The following NFX1 variants were observed in gnomAD, a reference collection of about 807,000 sequenced individuals.
NFX1 encodes the protein nuclear transcription factor, X-box binding 1, also known as transcriptional repressor NF-X1.
Under a neutral mutation model 137.2 loss-of-function variants are expected in NFX1, and 69 were observed. That is an observed-to-expected ratio of 0.50 (90% CI 0.41 to 0.61). The LOEUF (loss-of-function observed/expected upper bound fraction) is 0.61, where lower values mean the gene tolerates loss of function less well. Ranked by LOEUF, NFX1 falls within the 20% of genes least tolerant of loss-of-function variation. NFX1 has a pLI of 0.00. For synonymous variants in NFX1, 495 were observed against 474.1 expected (o/e 1.04, Z -0.57); for missense variants, 1,167 against 1,391.0 (o/e 0.84, Z 2.56).
chr9:33,318,041 C>T (rs530182967), intron 7 of NFX1, among the ~76,000 whole-genome samples: 49 of 140,982 alleles, frequency 3.5e-4, no homozygotes, highest in African/African-American at 1.1e-3. Context: ...GTTTAATGTA[C>T]GATTTTATTT....
Position 33,347,069 on chromosome 9 carries a change from T to C in NFX1, c.2376T>C (p.Cys792=). The stretch of plus-strand genomic sequence containing the variant: ...ATTCTTGTCATAGTGAGGAGAAGTG[T>C]CCCCCTTGCACTTTCCTAACTCAGA... The part of the protein sequence containing the change: ...VYHSCHSEEK[C]PPCTFLTQKW... Residue 792 remains cysteine (C), a synonymous_variant, in exon 15 of 24, where the codon TGT becomes TGC. Coordinates refer to ENST00000379540, the MANE Select transcript of NFX1 (RefSeq NM_002504.6). The C allele has an allele frequency of 1.2e-6, 2 of 1,613,564 alleles. No individual in the cohort carries two copies. The highest frequency in any genetic ancestry group is 1.7e-6 in the Non-Finnish European group (2 of 1,179,562).
intron 7 of NFX1, among the ~76,000 whole-genome samples, chr9:33,315,359 A>C (rs1245470521): frequency 1.3e-5 from 2 of 152,078 alleles, no homozygotes; most frequent in African/African-American, 4.8e-5. Flanking sequence ...CTGTATTTTT[A>C]GGTAGGCTGT....
At chr9:33,318,151 T>A (rs1383026087) in intron 7 of NFX1, among the ~76,000 whole-genome samples, 2 of 152,216 alleles carry the variant, frequency 1.3e-5, no homozygotes, top group Non-Finnish European at 2.9e-5. Flanking sequence ...CTGCATTTAT[T>A]CTGATCATTA....
chr9:33,294,359 C>A, intron 1 of NFX1, 61 bp from the exon 2 acceptor site: 1 of 1,440,776 alleles, frequency 6.9e-7, no homozygotes, highest in Non-Finnish European at 9.4e-7. Context: ...GGCTTGGAGT[C>A]TATGAGTTTC....
intron 19 of NFX1, among the ~76,000 whole-genome samples, chr9:33,358,134 T>G (rs1265948414): frequency 4.6e-5 from 7 of 151,734 alleles, no homozygotes; most frequent in Non-Finnish European, 7.4e-5. Context: ...TACTTGTAAT[T>G]TTTTTTTTGA....
intron 15 of NFX1, chr9:33,348,621 G>T: frequency 6.5e-6 from 2 of 305,660 alleles, no homozygotes; most frequent in Non-Finnish European, 9.6e-6. Context: ...ATGTGCTGTT[G>T]GAAAAGTGGA....
At chr9:33,362,021 T>C (rs1824008772) in intron 19 of NFX1, among the ~76,000 whole-genome samples, 1 of 149,912 alleles carries the variant, frequency 6.7e-6, no homozygotes, top group South Asian at 2.1e-4. Flanking sequence ...CTGGAGAGGT[T>C]GAGGTAGGAG....
At chr9:33,343,005 C>G (rs968793656) in intron 13 of NFX1, 151 bp downstream of exon 13, 1 of 604,278 alleles carries the variant, frequency 1.7e-6, no homozygotes, top group South Asian at 2.3e-5. Flanking sequence ...AAAGTTACTT[C>G]TAATGCTGTG....
intron 19 of NFX1, among the ~76,000 whole-genome samples, chr9:33,357,345 A>T (rs1347469405): frequency 6.6e-6 from 1 of 151,982 alleles, no homozygotes; most frequent in Non-Finnish European, 1.5e-5. Flanking sequence ...ATATATATAT[A>T]TATGTGAGTC....
At chr9:33,299,656 C>T (rs1037659046) in intron 2 of NFX1, among the ~76,000 whole-genome samples, 1 of 152,142 alleles carries the variant, frequency 6.6e-6, no homozygotes, top group African/African-American at 2.4e-5. Flanking sequence ...CCACTGCACT[C>T]GAGCCTAAAC....
At chr9:33,295,718 A>C (rs1821331387) in intron 2 of NFX1, among the ~76,000 whole-genome samples, 1 of 152,180 alleles carries the variant, frequency 6.6e-6, no homozygotes, top group Non-Finnish European at 1.5e-5. Context: ...GGTGGTGTAG[A>C]TGTCTGGTTA....
At chr9:33,363,186 C>G (rs769986190) in intron 19 of NFX1, among the ~76,000 whole-genome samples, 44 of 150,740 alleles carry the variant, frequency 2.9e-4, no homozygotes, top group Non-Finnish European at 6.1e-4. Context: ...ATATATGTAC[C>G]GAGACATCAA....
chr9:33,354,724 G>T lies in NFX1; in HGVS notation c.2832-127G>T, dbSNP rs146247251. 1,326 of 810,924 alleles carry T rather than the reference G, an allele frequency of 1.6e-3. 13 individuals are homozygous for T. In the Admixed American group the frequency reaches 0.019, roughly 12 times the overall value. 50.2% of individuals were successfully genotyped at this position (810,924 alleles called of 1,614,324 possible). On this transcript the variant is annotated intron_variant, in intron 18 of 23. Coordinates refer to ENST00000379540, the MANE Select transcript of NFX1 (RefSeq NM_002504.6). ...AGGTGGCCTCACAGGCTGCTTCCTGGCCTGAGGGATTGTTTTTTGGCAAGA... is the reference window on the plus strand; with the variant it reads ...AGGTGGCCTCACAGGCTGCTTCCTGTCCTGAGGGATTGTTTTTTGGCAAGA...
At chr9:33,326,047 A>G (rs1822575504) in intron 9 of NFX1, among the ~76,000 whole-genome samples, 1 of 152,204 alleles carries the variant, frequency 6.6e-6, no homozygotes. Context: ...TTGTGTTAGA[A>G]TAAGAAAATG....
chr9:33,313,627 CTGTCTTTACATCTAT>C lies in NFX1; in HGVS notation c.1449-16_1449-2del. The C allele has an allele frequency of 1.2e-6, 2 of 1,610,136 alleles. No individual in the cohort carries two copies. Among genetic ancestry groups the C allele is most frequent in the Non-Finnish European group, 1.7e-6 (2 of 1,176,758 alleles). On this transcript the variant is annotated splice_polypyrimidine_tract_variant and intron_variant, in intron 6 of 23. Transcript: ENST00000379540. Reference sequence around the variant, plus strand: ...TCCAACAGGAACTTTTACACTGATGCTGTCTTTACATCTATTGTCTTTACAGGCACACAGTTCGCT... The same window carrying C: ...TCCAACAGGAACTTTTACACTGATGCTGTCTTTACAGGCACACAGTTCGCT...
At chr9:33,328,860 G>A (rs915508919) in intron 10 of NFX1, among the ~76,000 whole-genome samples, 182 bp downstream of exon 10, 1 of 152,212 alleles carries the variant, frequency 6.6e-6, no homozygotes, top group African/African-American at 2.4e-5. Context: ...AAATACAGGT[G>A]TGATAGTCTG....
At chr9:33,357,020 A>C (rs1382730191) in intron 19 of NFX1, among the ~76,000 whole-genome samples, 1 of 151,310 alleles carries the variant, frequency 6.6e-6, no homozygotes, top group Non-Finnish European at 1.5e-5. Flanking sequence ...TAAGCCGGGC[A>C]TGGTGGCTCA....
intron 2 of NFX1, among the ~76,000 whole-genome samples, chr9:33,296,578 T>TA (rs1242632915): frequency 2.0e-5 from 3 of 152,000 alleles, no homozygotes; most frequent in Non-Finnish European, 4.4e-5. Flanking sequence ...AGAATTAAAA[T>TA]AAAAAAATTA....
At chr9:33,358,943 C>T (rs1363851656) in intron 19 of NFX1, among the ~76,000 whole-genome samples, 1 of 151,842 alleles carries the variant, frequency 6.6e-6, no homozygotes, top group Non-Finnish European at 1.5e-5. Context: ...AAGCAATCCT[C>T]CTGCCTCAGC....
Sources: gnomAD v4.1 joint callset for allele counts (sites outside exome capture counted in the v4.1 genomes callset) on GRCh38, gnomAD v4.1.1 for gene constraint, MANE v1.5 for transcripts, NCBI Gene and HGNC (gene_info 2026-07-23, HGNC 2026-07-21) for gene names.